The following GLIS3 variants were observed in gnomAD, a reference collection of about 807,000 sequenced individuals.
GLIS3 encodes the protein GLIS family zinc finger 3, also known as zinc finger protein GLIS3.
In GLIS3, 53 loss-of-function variants were observed where a neutral mutation model predicts 78.6. The observed-to-expected ratio is 0.67, with a 90% CI of 0.54 to 0.85. The LOEUF (loss-of-function observed/expected upper bound fraction) is 0.85, where lower values mean the gene tolerates loss of function less well. Ranked by LOEUF, GLIS3 falls within the 40% of genes least tolerant of loss-of-function variation. The probability of loss-of-function intolerance (pLI) is 0.00; values close to 1 mark genes in which losing one functional copy is unlikely to be tolerated. For synonymous variants in GLIS3, 684 were observed against 509.9 expected (o/e 1.34, Z -4.60); for missense variants, 1,703 against 1,231.1 (o/e 1.38, Z -5.74).
chr9:4,408,107 G>C, the GLIS3 span, among the ~76,000 whole-genome samples: 4,455 of 152,138 alleles, frequency 0.029, 328 homozygotes, highest in East Asian at 0.3. Context: ...ATCCAAGTCA[G>C]GCAATAACAA....
At chr9:4,198,377 G>A (rs957112622) in intron 2 of GLIS3, among the ~76,000 whole-genome samples, 2 of 151,994 alleles carry the variant, frequency 1.3e-5, no homozygotes, top group African/African-American at 4.8e-5. Flanking sequence ...TCTAACTCTA[G>A]AAGTAGAAAA....
intron 4 of GLIS3, among the ~76,000 whole-genome samples, chr9:4,007,772 C>G (rs1821671508): frequency 6.6e-6 from 1 of 151,838 alleles, no homozygotes; most frequent in Admixed American, 6.6e-5. Context: ...GCACATAAAT[C>G]AAGAAGTACA....
rs1010260398 is a variant in GLIS3, at chr9:3,866,804, A to G, written c.2298-10620T>C. ...ATTAACCAGGGAGAGGTGTGAACAT[A>G]TATTCCATTTACATCTTAAAGGGTA... On this transcript the variant is annotated intron_variant, in intron 8 of 10. Transcript: ENST00000381971. Among the ~76,000 whole-genome samples the G allele has an allele frequency of 4.6e-5, 7 of 152,232 alleles. No homozygotes were observed. The East Asian group carries it at 7.7e-4, about 17-fold the overall frequency.
At position 4,141,503 on chromosome 9, in the gene GLIS3, C is replaced by G. The variant is rs191033841; in HGVS notation, c.389-15562G>C. On this transcript the variant is annotated intron_variant, in intron 2 of 10. Coordinates refer to ENST00000381971, the MANE Select transcript of GLIS3 (RefSeq NM_001042413.2). ...AACACAGAAAAGCTCCTGGAATGTT[C>G]TGCTCTCTACAAACACCCTGGGATT... 1.2e-3 allele frequency among the ~76,000 whole-genome samples: 178 copies of G among 152,332 alleles called. 1 individual carries two copies. Among genetic ancestry groups the G allele is most frequent in the African/African-American group, 4.1e-3 (172 of 41,574 alleles).
At chr9:4,078,159 G>A (rs531444053) in intron 4 of GLIS3, among the ~76,000 whole-genome samples, 11 of 152,278 alleles carry the variant, frequency 7.2e-5, no homozygotes, top group South Asian at 6.2e-4. Context: ...TTTCTGGACC[G>A]AAAGTAAGTT....
the GLIS3 span, among the ~76,000 whole-genome samples, chr9:4,386,955 G>C: frequency 2.6e-5 from 4 of 152,160 alleles, no homozygotes; most frequent in Admixed American, 6.5e-5. Context: ...GAGGATCACA[G>C]AACTCTCACC....
At chr9:4,305,648 G>C (rs929763383) in intron 4 of GLIS3, 1 of 152,200 alleles carries the variant, frequency 6.6e-6, no homozygotes, top group South Asian at 2.1e-4. Context: ...AACCCAGTTT[G>C]GGCTAAATGA....
intron 2 of GLIS3, among the ~76,000 whole-genome samples, chr9:4,181,634 T>G (rs1279356752): frequency 6.6e-6 from 1 of 152,266 alleles, no homozygotes; most frequent in Non-Finnish European, 1.5e-5. Context: ...GACTTTGCTA[T>G]TCCTCACACT....
intron 2 of GLIS3, among the ~76,000 whole-genome samples, chr9:4,144,540 T>C (rs1834062784): frequency 6.6e-6 from 1 of 152,218 alleles, no homozygotes; most frequent in Non-Finnish European, 1.5e-5. Context: ...CATTGGACTC[T>C]ACATGCCAAA....
intron 2 of GLIS3, among the ~76,000 whole-genome samples, chr9:4,274,063 T>C (rs1338205038): frequency 2.0e-5 from 3 of 152,134 alleles, no homozygotes; most frequent in African/African-American, 7.2e-5. Context: ...CATTTGTGAA[T>C]GAGGATAATA....
At chr9:4,233,229 T>A (rs1031113192) in intron 2 of GLIS3, among the ~76,000 whole-genome samples, 1 of 152,164 alleles carries the variant, frequency 6.6e-6, no homozygotes, top group Non-Finnish European at 1.5e-5. Flanking sequence ...CTTGTGATCA[T>A]CTCCATTCAA....
At chr9:4,295,077 G>C (rs951663143) in intron 1 of GLIS3, among the ~76,000 whole-genome samples, 1 of 152,134 alleles carries the variant, frequency 6.6e-6, no homozygotes, top group Non-Finnish European at 1.5e-5. Flanking sequence ...CCATTCTTCT[G>C]GGTAGGCATG....
intron 9 of GLIS3, among the ~76,000 whole-genome samples, chr9:3,849,036 A>G (rs1046873792): frequency 1.3e-5 from 2 of 152,254 alleles, no homozygotes; most frequent in Non-Finnish European, 2.9e-5. Flanking sequence ...CAAACAGCCC[A>G]GGCTGAGGAG....
intron 2 of GLIS3, among the ~76,000 whole-genome samples, chr9:4,157,572 G>C (rs770403150): frequency 1.3e-5 from 2 of 152,182 alleles, no homozygotes; most frequent in African/African-American, 2.4e-5. Flanking sequence ...AATCAAGTAT[G>C]TGGAAATAAT....
chr9:4,358,533 A>C, the GLIS3 span, among the ~76,000 whole-genome samples: 1 of 152,196 alleles, frequency 6.6e-6, no homozygotes, highest in Non-Finnish European at 1.5e-5. Flanking sequence ...ACTATGTTCC[A>C]GCACGTTTCT....
At chr9:4,191,383 C>A (rs985611287) in intron 2 of GLIS3, among the ~76,000 whole-genome samples, 21 of 152,148 alleles carry the variant, frequency 1.4e-4, no homozygotes, top group African/African-American at 4.6e-4. Context: ...AAATCGTTAT[C>A]ATAATAATGT....
chr9:4,411,684 C>G, the GLIS3 span, among the ~76,000 whole-genome samples: 1 of 152,148 alleles, frequency 6.6e-6, no homozygotes, highest in Admixed American at 6.6e-5. Flanking sequence ...ACCTTAACTT[C>G]TCTTCTGCAA....
At chr9:4,460,260 G>A in the GLIS3 span, among the ~76,000 whole-genome samples, 3 of 152,164 alleles carry the variant, frequency 2.0e-5, no homozygotes, top group Non-Finnish European at 2.9e-5. Context: ...GATGACATCT[G>A]CATGGATCCC....
chr9:4,181,536 C>G (rs1817324008), intron 2 of GLIS3, among the ~76,000 whole-genome samples: 1 of 152,226 alleles, frequency 6.6e-6, no homozygotes, highest in Non-Finnish European at 1.5e-5. Flanking sequence ...TCACCTCCTT[C>G]CTATATTTAG....
Sources: gnomAD v4.1 joint callset for allele counts (sites outside exome capture counted in the v4.1 genomes callset) on GRCh38, gnomAD v4.1.1 for gene constraint, MANE v1.5 for transcripts, NCBI Gene and HGNC (gene_info 2026-07-23, HGNC 2026-07-21) for gene names.